Variants in TIAM2 observed in about 807,000 individuals in gnomAD.
The protein encoded by TIAM2 is TIAM Rac1 associated GEF 2.
TIAM2 carries 80 observed loss-of-function variants against 152.9 expected under a neutral mutation model. The ratio of observed to expected loss-of-function variants is 0.52; its 90% CI spans 0.44 to 0.63. The LOEUF is 0.63. Among genes scored for constraint, TIAM2 ranks in the 30% least tolerant of loss-of-function variants. The probability of loss-of-function intolerance (pLI) is 0.00; values close to 1 mark genes in which losing one functional copy is unlikely to be tolerated. For synonymous variants in TIAM2, 804 were observed against 838.0 expected (o/e 0.96, Z 0.70); for missense variants, 1,965 against 2,120.1 (o/e 0.93, Z 1.44).
At chr6:155,194,600 G>A (rs1440383233) in intron 14 of TIAM2, among the ~76,000 whole-genome samples, 2 of 152,276 alleles carry the variant, frequency 1.3e-5, no homozygotes, top group Admixed American at 6.5e-5. Flanking sequence ...ACTCTGTCTT[G>A]TATTTGTCAC....
chr6:155,029,507 T>TATATAGTATATATA (rs1776768493), intron 1 of TIAM2, among the ~76,000 whole-genome samples: 1 of 12,976 alleles, frequency 7.7e-5, no homozygotes, highest in South Asian at 1.1e-3. Flanking sequence ...TTATATATAA[T>TATATAGTATATATA]ATATACTATA....
chr6:155,250,771 G>A (rs1783606862), intron 21 of TIAM2, 142 bp from the exon 22 acceptor site: 1 of 1,116,330 alleles, frequency 9.0e-7, no homozygotes, highest in African/African-American at 1.6e-5. Context: ...CACCGTTTAA[G>A]GCCCCATGTT....
intron 9 of TIAM2, among the ~76,000 whole-genome samples, chr6:155,167,784 A>G (rs768791766): frequency 1.3e-5 from 2 of 152,220 alleles, no homozygotes; most frequent in Non-Finnish European, 2.9e-5. Context: ...GGTCTGAGCC[A>G]TAACACCGAG....
chr6:155,085,727 A>G (rs942642453), intron 1 of TIAM2, among the ~76,000 whole-genome samples: 1 of 152,178 alleles, frequency 6.6e-6, no homozygotes, highest in African/African-American at 2.4e-5. Flanking sequence ...TTAAAATTAC[A>G]CTGATGTCAT....
chr6:155,016,114 A>G (rs1171749681), intron 1 of TIAM2: 5 of 152,178 alleles, frequency 3.3e-5, no homozygotes, highest in African/African-American at 9.6e-5. Flanking sequence ...GGCAGAGTCT[A>G]TTAAAATTTC....
rs891969322 is a variant in TIAM2 at position 155,213,851 on chromosome 6, T to G, written c.3168+2544T>G. Among the ~76,000 whole-genome samples, 24 of 152,210 alleles carry G rather than the reference T, an allele frequency of 1.6e-4. No individual in the cohort carries two copies. The highest frequency in any genetic ancestry group is 5.3e-4 in the African/African-American group (22 of 41,460). ...TGAACGTGTCCACACATGGCTGGGT[T>G]GCAGCAGTGCCTGGGCTTGGACTCA... is the stretch of plus-strand genomic sequence containing the variant. On this transcript the variant is annotated intron_variant, in intron 15 of 26. Transcript: ENST00000682666. This position sits in a 1 kb window ranked among gnomAD's most constrained non-coding sequence, Gnocchi z 4.2.
intron 1 of TIAM2, among the ~76,000 whole-genome samples, chr6:155,064,050 A>G (rs1460779419): frequency 6.6e-6 from 1 of 152,194 alleles, no homozygotes; most frequent in Admixed American, 6.6e-5. Flanking sequence ...AGACCAGCAT[A>G]TGCATCATAT....
chr6:155,045,198 C>T (rs1237839291), intron 1 of TIAM2, among the ~76,000 whole-genome samples: 1 of 151,896 alleles, frequency 6.6e-6, no homozygotes, highest in Non-Finnish European at 1.5e-5. Context: ...TCCGTAGTAG[C>T]TGGGATTGCA....
At chr6:155,087,203 A>G (rs866370052) in intron 1 of TIAM2, among the ~76,000 whole-genome samples, 1 of 152,206 alleles carries the variant, frequency 6.6e-6, no homozygotes, top group African/African-American at 2.4e-5. Flanking sequence ...ACCAAAAAAC[A>G]TGAAATCACA....
chr6:155,105,158 G>A (rs542414477), intron 2 of TIAM2, among the ~76,000 whole-genome samples: 2 of 151,858 alleles, frequency 1.3e-5, no homozygotes, highest in African/African-American at 4.8e-5. Flanking sequence ...GGGTTTCACC[G>A]TGTTAGCCAG....
intron 1 of TIAM2, among the ~76,000 whole-genome samples, chr6:155,015,955 A>ACC (rs1778570434): frequency 2.0e-5 from 3 of 150,692 alleles, no homozygotes; most frequent in African/African-American, 7.3e-5. Flanking sequence ...AAAAAAAAAA[A>ACC]AAAAAAAAAA....
At chr6:155,112,327 G>A (rs1328567524) in intron 2 of TIAM2, among the ~76,000 whole-genome samples, 12 of 151,522 alleles carry the variant, frequency 7.9e-5, no homozygotes, top group Non-Finnish European at 1.6e-4. Flanking sequence ...ACGGGGTTTC[G>A]TTGGCCAGGC....
chr6:155,136,137 T>G (rs1481837262), intron 4 of TIAM2, among the ~76,000 whole-genome samples: 1 of 142,600 alleles, frequency 7.0e-6, no homozygotes, highest in Non-Finnish European at 1.5e-5. Flanking sequence ...GAGGTTGCAG[T>G]GAGCCAAGAT....
chr6:155,163,572 T>C (rs1271900970), intron 7 of TIAM2, among the ~76,000 whole-genome samples: 2 of 152,246 alleles, frequency 1.3e-5, no homozygotes, highest in African/African-American at 4.8e-5. Flanking sequence ...ATGGCAGTTA[T>C]TCTCCAAGAT....
chr6:155,081,625 T>C (rs1778064506), intron 1 of TIAM2, among the ~76,000 whole-genome samples: 1 of 152,182 alleles, frequency 6.6e-6, no homozygotes, highest in Non-Finnish European at 1.5e-5. Context: ...AAGCCACTTA[T>C]TCCACAGGTA....
At chr6:155,103,848 A>G (rs1778604322) in intron 2 of TIAM2, among the ~76,000 whole-genome samples, 1 of 151,350 alleles carries the variant, frequency 6.6e-6, no homozygotes, top group African/African-American at 2.4e-5. Context: ...CTTCTCCTGC[A>G]CAATTTTTCT....
intron 1 of TIAM2, among the ~76,000 whole-genome samples, chr6:155,043,585 G>GCACTCC (rs1777094405): frequency 7.2e-6 from 1 of 138,012 alleles, no homozygotes; most frequent in Non-Finnish European, 1.5e-5. Context: ...AGTAAGCAGC[G>GCACTCC]ATTGTGCCAC....
rs1562300039 is a variant in TIAM2, at chr6:155,047,679, AGAGAGAGAGGAGAGAGAGAGAGAGAGC to A, written c.-208-42600_-208-42574del. On this transcript the variant is annotated intron_variant, in intron 1 of 26. Transcript: ENST00000682666. ...AGAGAGAGAGAGAGGAGAGAGAGAGAGAGAGAGAGGAGAGAGAGAGAGAGAGCGAGAGAGAGAGAGAGAGAGCGAGAG... is the reference window on the plus strand; with the variant it reads ...AGAGAGAGAGAGAGGAGAGAGAGAGAGAGAGAGAGAGAGAGAGAGCGAGAG... Among the ~76,000 whole-genome samples, 3 of 48,282 alleles carry A rather than the reference AGAGAGAGAGGAGAGAGAGAGAGAGAGC, an allele frequency of 6.2e-5. 1 individual carries two copies. Among genetic ancestry groups the A allele is most frequent in the African/African-American group, 1.3e-4 (2 of 15,436 alleles). 31.7% of individuals were successfully genotyped at this position (48,282 alleles called of 152,430 possible). A position where few individuals can be genotyped will look rare whatever the true frequency, so the allele number is the denominator to read the frequency against.
intron 2 of TIAM2, among the ~76,000 whole-genome samples, chr6:155,106,215 G>A (rs1447007358): frequency 6.6e-6 from 1 of 151,872 alleles, no homozygotes; most frequent in Non-Finnish European, 1.5e-5. Flanking sequence ...ATATTGGTCA[G>A]GCTGGTTCCG....
Sources: gnomAD v4.1 joint callset for allele counts (sites outside exome capture counted in the v4.1 genomes callset) on GRCh38, gnomAD v4.1.1 for gene constraint, Gnocchi (gnomAD v3.1) non-coding constraint, MANE v1.5 for transcripts, NCBI Gene and HGNC (gene_info 2026-07-23, HGNC 2026-07-21) for gene names.